The following MCTP1 variants were observed in gnomAD, a reference collection of about 807,000 sequenced individuals.
MCTP1 encodes multiple C2 and transmembrane domain containing 1, also known as multiple C2 and transmembrane domain-containing protein 1.
A neutral mutation model predicts 120.6 loss-of-function variants in MCTP1; 69 were observed. The ratio of observed to expected loss-of-function variants is 0.57; its 90% CI spans 0.47 to 0.70. MCTP1 has a LOEUF of 0.70. Ranked by LOEUF, MCTP1 falls within the 30% of genes least tolerant of loss-of-function variation. The pLI, the probability that MCTP1 is intolerant of heterozygous loss-of-function variation, is 0.00. For missense variants in MCTP1, 1,203 were observed against 1,248.8 expected (o/e 0.96, Z 0.55); for synonymous variants, 529 against 493.1 (o/e 1.07, Z -0.96).
At chr5:94,791,526 G>A (rs1778972022) in intron 18 of MCTP1, among the ~76,000 whole-genome samples, 1 of 74,302 alleles carries the variant, frequency 1.3e-5, no homozygotes, top group Non-Finnish European at 3.1e-5. Flanking sequence ...CACTCATATA[G>A]TGAAAATTGT....
intron 7 of MCTP1, among the ~76,000 whole-genome samples, chr5:94,922,810 G>T (rs550461073): frequency 6.6e-6 from 1 of 152,176 alleles, no homozygotes; most frequent in South Asian, 2.1e-4. Context: ...TTTGGATAAA[G>T]CCATTATCCA....
intron 17 of MCTP1, among the ~76,000 whole-genome samples, chr5:94,818,807 T>C (rs573761874): frequency 2.5e-4 from 38 of 152,312 alleles, no homozygotes; most frequent in Middle Eastern, 6.8e-3. Flanking sequence ...ACTAGGATGG[T>C]CAGACGGAAT....
intron 19 of MCTP1, among the ~76,000 whole-genome samples, chr5:94,748,395 G>C (rs1206280864): frequency 6.6e-6 from 1 of 152,182 alleles, no homozygotes. Context: ...GTAGTTCTGA[G>C]TACATGGCTC....
intron 1 of MCTP1, among the ~76,000 whole-genome samples, chr5:95,068,343 A>T (rs1004957752): frequency 1.3e-5 from 2 of 152,216 alleles, no homozygotes; most frequent in Non-Finnish European, 2.9e-5. Context: ...TTGGTGGGGT[A>T]TGAAGATATG....
At chr5:95,128,710 G>A (rs944494458) in intron 1 of MCTP1, among the ~76,000 whole-genome samples, 2 of 152,164 alleles carry the variant, frequency 1.3e-5, no homozygotes, top group Admixed American at 1.3e-4. Flanking sequence ...TAACTAAGGG[G>A]CACAGGATTT....
At chr5:95,234,605 T>C (rs1013947338) in intron 1 of MCTP1, among the ~76,000 whole-genome samples, 2 of 152,200 alleles carry the variant, frequency 1.3e-5, no homozygotes, top group African/African-American at 4.8e-5. Context: ...TGAAACCTCA[T>C]GTCTACTTCT....
intron 17 of MCTP1, among the ~76,000 whole-genome samples, chr5:94,832,191 C>T (rs757622558): frequency 1.3e-5 from 2 of 152,196 alleles, no homozygotes; most frequent in Non-Finnish European, 2.9e-5. Context: ...GTCTGCATCT[C>T]TTTACACAAA....
chr5:95,231,723 A>G (rs1754971122), intron 1 of MCTP1, among the ~76,000 whole-genome samples: 1 of 152,212 alleles, frequency 6.6e-6, no homozygotes, highest in Non-Finnish European at 1.5e-5. Context: ...TATTATTTAT[A>G]TATCTTTCAA....
At chr5:95,004,942 C>T (rs1834404352) in intron 2 of MCTP1, among the ~76,000 whole-genome samples, 1 of 152,220 alleles carries the variant, frequency 6.6e-6, no homozygotes, top group South Asian at 2.1e-4. Flanking sequence ...GACCTATCAA[C>T]AGCTTGCAAC....
At chr5:94,963,945 A>G (rs927200470) in intron 2 of MCTP1, among the ~76,000 whole-genome samples, 6 of 152,070 alleles carry the variant, frequency 3.9e-5, no homozygotes, top group African/African-American at 1.4e-4. Flanking sequence ...TTTCATTTTC[A>G]GGTCTTACGT....
intron 1 of MCTP1, among the ~76,000 whole-genome samples, chr5:95,143,035 G>A (rs773861995): frequency 5.7e-4 from 87 of 151,950 alleles, no homozygotes; most frequent in Non-Finnish European, 1.0e-3. Flanking sequence ...AGACAGAATG[G>A]CCAAAAAGCA....
intron 1 of MCTP1, among the ~76,000 whole-genome samples, chr5:95,112,990 T>C (rs2152391636): frequency 6.6e-6 from 1 of 152,146 alleles, no homozygotes; most frequent in East Asian, 1.9e-4. Flanking sequence ...ATTATGTAAA[T>C]CTAATGGTTG....
At chr5:95,171,965 T>G (rs1372223505) in intron 1 of MCTP1, among the ~76,000 whole-genome samples, 1 of 152,236 alleles carries the variant, frequency 6.6e-6, no homozygotes, top group Non-Finnish European at 1.5e-5. Context: ...GCTGCGTTCC[T>G]TTAAAGGGGG....
intron 1 of MCTP1, among the ~76,000 whole-genome samples, chr5:95,264,292 T>G (rs975285554): frequency 1.3e-5 from 2 of 152,226 alleles, no homozygotes; most frequent in Non-Finnish European, 2.9e-5. Context: ...TAGCTAACTT[T>G]AAAACTAGTC....
intron 9 of MCTP1, among the ~76,000 whole-genome samples, chr5:94,911,051 A>T (rs1348635724): frequency 6.6e-6 from 1 of 152,200 alleles, no homozygotes; most frequent in East Asian, 1.9e-4. Flanking sequence ...GGACACTCCA[A>T]TCAGCCTGCT....
At chr5:94,944,339 T>A (rs980498560) in intron 3 of MCTP1, among the ~76,000 whole-genome samples, 1 of 152,164 alleles carries the variant, frequency 6.6e-6, no homozygotes, top group Non-Finnish European at 1.5e-5. Context: ...GCTTTAGTCA[T>A]CTGCTCAGTG....
intron 1 of MCTP1, among the ~76,000 whole-genome samples, chr5:95,060,710 G>A (rs922960007): frequency 1.3e-5 from 2 of 152,026 alleles, no homozygotes; most frequent in Admixed American, 6.5e-5. Flanking sequence ...GGTGGCTCAC[G>A]CCTGTAATCC....
intron 1 of MCTP1, among the ~76,000 whole-genome samples, chr5:95,176,214 T>C (rs1010720010): frequency 6.6e-6 from 1 of 152,112 alleles, no homozygotes; most frequent in African/African-American, 2.4e-5. Flanking sequence ...CTATTCTAGG[T>C]CTGGGGCACA....
At chr5:94,805,305 G>GT (rs201410196) in intron 17 of MCTP1, among the ~76,000 whole-genome samples, 35 of 151,244 alleles carry the variant, frequency 2.3e-4, no homozygotes, top group Admixed American at 6.6e-4. Flanking sequence ...CAGAATGAGG[G>GT]TTTTTTTTTG....
Sources: allele counts gnomAD v4.1 joint callset (sites outside exome capture counted in the v4.1 genomes callset), GRCh38; gene constraint gnomAD v4.1.1; transcripts MANE v1.5; gene names NCBI Gene and HGNC (gene_info 2026-07-23, HGNC 2026-07-21).